RTL4: variants seen among roughly 807,000 people sequenced by gnomAD.
RTL4 encodes retrotransposon Gag-like protein 4.
In RTL4, 4 loss-of-function variants were observed where a neutral mutation model predicts 5.3. The ratio of observed to expected loss-of-function variants is 0.75; its 90% CI spans 0.37 to 1.72. The LOEUF (loss-of-function observed/expected upper bound fraction) is 1.72, where lower values mean the gene tolerates loss of function less well. Among genes scored for constraint, RTL4 ranks in the 40% most tolerant of loss-of-function variants. RTL4 has a pLI of 0.04. For missense variants in RTL4, 260 were observed against 227.1 expected (o/e 1.14, Z -0.93); for synonymous variants, 98 against 87.3 (o/e 1.12, Z -0.68).
At chrX:112,353,577 G>T in the RTL4 span, among the ~76,000 whole-genome samples, 1 of 110,284 alleles carries the variant, frequency 9.1e-6, no homozygotes, top group Admixed American at 9.7e-5. Flanking sequence ...GCAAACTATC[G>T]CAAGGACAAA....
At chrX:112,103,593 A>G in the RTL4 span, among the ~76,000 whole-genome samples, 13 of 111,217 alleles carry the variant, frequency 1.2e-4, no homozygotes, top group Non-Finnish European at 2.5e-4. Context: ...AAAAAAAAGA[A>G]AAGAAAGCAG....
the RTL4 span, among the ~76,000 whole-genome samples, chrX:112,164,532 CTTG>C: frequency 8.9e-6 from 1 of 112,564 alleles, no homozygotes. Flanking sequence ...TTCCCGCACA[CTTG>C]TTAGGCTTTG....
the RTL4 span, among the ~76,000 whole-genome samples, chrX:112,175,417 C>T: frequency 9.2e-6 from 1 of 109,109 alleles, no homozygotes; most frequent in Admixed American, 1.0e-4. Context: ...TCTGAGGGCT[C>T]TGTTCTGTTC....
chrX:112,099,554 T>C, the RTL4 span, among the ~76,000 whole-genome samples: 1 of 111,130 alleles, frequency 9.0e-6, no homozygotes, highest in East Asian at 2.8e-4. Context: ...TTTTTAGTGG[T>C]GTGAGAAATC....
chrX:112,233,073 TAGA>T, the RTL4 span, among the ~76,000 whole-genome samples: 1 of 111,683 alleles, frequency 9.0e-6, no homozygotes, highest in Non-Finnish European at 1.9e-5. Flanking sequence ...CCTTTGGATT[TAGA>T]AGAACATTCA....
chrX:112,439,908 C>G, the RTL4 span, among the ~76,000 whole-genome samples: 1 of 111,753 alleles, frequency 8.9e-6, no homozygotes, highest in South Asian at 3.8e-4. Flanking sequence ...GTTTGCAGAA[C>G]CATGAGCCAA....
the RTL4 span, among the ~76,000 whole-genome samples, chrX:112,343,105 G>A: frequency 2.6e-4 from 29 of 111,516 alleles, no homozygotes; most frequent in African/African-American, 7.2e-4. Context: ...GTGAGATTCC[G>A]TCTCAAAAAA....
chrX:112,436,897 C>T, the RTL4 span, among the ~76,000 whole-genome samples: 1 of 111,515 alleles, frequency 9.0e-6, no homozygotes, highest in Non-Finnish European at 1.9e-5. Context: ...GTGGCAGTCA[C>T]AGGATAGCCT....
chrX:112,323,485 T>G, the RTL4 span, among the ~76,000 whole-genome samples: 1 of 110,479 alleles, frequency 9.1e-6, no homozygotes, highest in Non-Finnish European at 1.9e-5. Context: ...TTATTTTATT[T>G]ATTTTATATT....
chrX:112,325,921 C>T, the RTL4 span, among the ~76,000 whole-genome samples: 2 of 111,876 alleles, frequency 1.8e-5, no homozygotes, highest in Non-Finnish European at 3.8e-5. Context: ...GGGCTAATAT[C>T]CAGAATCTAC....
the RTL4 span, among the ~76,000 whole-genome samples, chrX:112,382,637 TG>T: frequency 8.9e-6 from 1 of 112,623 alleles, no homozygotes; most frequent in Non-Finnish European, 1.9e-5. Flanking sequence ...AATAGCGTTC[TG>T]CTCAGTAAAT....
the RTL4 span, among the ~76,000 whole-genome samples, chrX:112,348,548 G>T: frequency 9.1e-6 from 1 of 109,799 alleles, no homozygotes; most frequent in Non-Finnish European, 1.9e-5. Context: ...CTATCTTTTT[G>T]ATAGTAACAC....
the RTL4 span, among the ~76,000 whole-genome samples, chrX:112,413,696 G>T: frequency 6.8e-3 from 749 of 110,960 alleles, 9 homozygotes; most frequent in African/African-American, 0.023. Flanking sequence ...GTGACAAGAG[G>T]CTGGGAAGGG....
chrX:112,382,225 CTCCTAAAATAACACTGATTAAATAAGA>C, the RTL4 span: 16 of 1,122,183 alleles, frequency 1.4e-5, no homozygotes, highest in African/African-American at 2.5e-4. Flanking sequence ...TCCAAAGTAA[CTCCTAAAATAACACTGATTAAATAAGA>C]ACTGGAGCAA....
At chrX:112,124,731 A>C in the RTL4 span, among the ~76,000 whole-genome samples, 2 of 110,318 alleles carry the variant, frequency 1.8e-5, no homozygotes, top group Admixed American at 9.7e-5. Context: ...GGCACAGCAA[A>C]CCACCATGGC....
the RTL4 span, among the ~76,000 whole-genome samples, chrX:112,204,771 T>G: frequency 9.0e-6 from 1 of 111,281 alleles, no homozygotes; most frequent in East Asian, 2.8e-4. Context: ...GTGACTGTAG[T>G]AAATAATAAC....
At chrX:112,198,274 G>A in the RTL4 span, among the ~76,000 whole-genome samples, 2 of 111,790 alleles carry the variant, frequency 1.8e-5, no homozygotes, top group Admixed American at 1.9e-4. Context: ...CTCCCCACTA[G>A]TATATAAGCT....
chrX:112,259,721 T>C, the RTL4 span, among the ~76,000 whole-genome samples: 6 of 111,387 alleles, frequency 5.4e-5, no homozygotes, highest in Admixed American at 4.8e-4. Flanking sequence ...AAGTGGTGGC[T>C]AGTGATGTAA....
the RTL4 span, among the ~76,000 whole-genome samples, chrX:112,229,779 T>C: frequency 1.8e-5 from 2 of 112,115 alleles, no homozygotes; most frequent in Admixed American, 1.9e-4. Flanking sequence ...TCTGTTGGAG[T>C]TTACTGGAGG....
Sources: allele counts gnomAD v4.1 joint callset (sites outside exome capture counted in the v4.1 genomes callset), GRCh38; gene constraint gnomAD v4.1.1; transcripts MANE v1.5; gene names NCBI Gene and HGNC (gene_info 2026-07-23, HGNC 2026-07-21).